Variants in BMPR1B observed in about 807,000 individuals in gnomAD.
The protein encoded by BMPR1B is bone morphogenetic protein receptor type 1B.
A neutral mutation model predicts 59.1 loss-of-function variants in BMPR1B; 12 were observed. That is an observed-to-expected ratio of 0.20 (90% CI 0.13 to 0.33). The LOEUF (loss-of-function observed/expected upper bound fraction) is 0.33. Among genes scored for constraint, BMPR1B ranks in the 10% least tolerant of loss-of-function variants. The pLI, the probability that BMPR1B is intolerant of heterozygous loss-of-function variation, is 1.00. For synonymous variants in BMPR1B, 237 were observed against 207.3 expected (o/e 1.14, Z -1.23); for missense variants, 550 against 610.9 (o/e 0.90, Z 1.05).
At chr4:94,768,360 AAAC>A (rs138425173) in intron 1 of BMPR1B, among the ~76,000 whole-genome samples, 8,342 of 152,020 alleles carry the variant, frequency 0.055, 420 homozygotes, top group African/African-American at 0.14. Flanking sequence ...TCTCCTTAAA[AAAC>A]AACAACAACA....
chr4:95,138,395 T>C (rs1330176203), intron 10 of BMPR1B, among the ~76,000 whole-genome samples: 1 of 152,190 alleles, frequency 6.6e-6, no homozygotes, highest in Non-Finnish European at 1.5e-5. Flanking sequence ...TTGGAGTTGC[T>C]CTTCTTGAGG....
At chr4:94,813,179 A>G (rs1178636573) in intron 1 of BMPR1B, among the ~76,000 whole-genome samples, 2 of 152,208 alleles carry the variant, frequency 1.3e-5, no homozygotes, top group East Asian at 3.8e-4. Context: ...TGATTAAGGG[A>G]AACAGACAAT....
intron 3 of BMPR1B, among the ~76,000 whole-genome samples, chr4:95,078,832 G>T (rs982811495): frequency 2.6e-5 from 4 of 151,980 alleles, no homozygotes; most frequent in African/African-American, 9.7e-5. Flanking sequence ...ATCACAGCTC[G>T]CTGCAGCCTC....
At chr4:94,871,296 G>A (rs1353839535) in intron 1 of BMPR1B, among the ~76,000 whole-genome samples, 1 of 152,174 alleles carries the variant, frequency 6.6e-6, no homozygotes, top group Non-Finnish European at 1.5e-5. Flanking sequence ...CCTTTGTAAA[G>A]TAAGATATTA....
intron 3 of BMPR1B, among the ~76,000 whole-genome samples, chr4:95,011,134 C>T (rs959870710): frequency 1.3e-5 from 2 of 151,546 alleles, no homozygotes; most frequent in African/African-American, 4.9e-5. Context: ...AGGCTGGTTA[C>T]GTAGGTAAAC....
intron 1 of BMPR1B, among the ~76,000 whole-genome samples, chr4:94,789,193 G>A (rs1172124680): frequency 6.6e-6 from 1 of 152,198 alleles, no homozygotes; most frequent in Non-Finnish European, 1.5e-5. Flanking sequence ...CAGTGTTCTT[G>A]CATAGAACAA....
intron 2 of BMPR1B, among the ~76,000 whole-genome samples, chr4:94,982,597 A>G (rs1721150374): frequency 6.6e-6 from 1 of 152,204 alleles, no homozygotes; most frequent in South Asian, 2.1e-4. Flanking sequence ...CCTCGTTGAT[A>G]TTAATGTGCA....
chr4:95,022,885 AC>A (rs1183139839), intron 3 of BMPR1B, among the ~76,000 whole-genome samples: 1 of 152,152 alleles, frequency 6.6e-6, no homozygotes, highest in Non-Finnish European at 1.5e-5. Flanking sequence ...AAAGAGACCA[AC>A]CCGTTCTGTT....
At chr4:95,147,137 C>T (rs1490645718) in intron 10 of BMPR1B, among the ~76,000 whole-genome samples, 4 of 151,922 alleles carry the variant, frequency 2.6e-5, no homozygotes, top group Non-Finnish European at 5.9e-5. Flanking sequence ...GTTATTATTG[C>T]ACCTAGAAAA....
At chr4:94,904,210 T>C (rs1727943481) in intron 2 of BMPR1B, among the ~76,000 whole-genome samples, 1 of 152,044 alleles carries the variant, frequency 6.6e-6, no homozygotes, top group South Asian at 2.1e-4. Context: ...ACATCAATGA[T>C]TTGCTGTAGA....
At position 94,877,346 on chromosome 4, in the gene BMPR1B, T is replaced by C. The variant is rs568120599; in HGVS notation, c.-113+1446T>C. On this transcript the variant is annotated intron_variant, in intron 2 of 12. Transcript: ENST00000515059. Reference sequence around the variant, plus strand: ...GGTTTTGCTCATTTTTGAGTCATGCTTCCAGTTGTTGATGGGATCAGAAAT... The same window carrying C: ...GGTTTTGCTCATTTTTGAGTCATGCCTCCAGTTGTTGATGGGATCAGAAAT... Among the ~76,000 whole-genome samples the C allele has an allele frequency of 9.8e-5, 15 of 152,350 alleles. No individual in the cohort carries two copies. The South Asian group carries it at 1.2e-3, about 13-fold the overall frequency.
chr4:95,097,647 C>T (rs973519503), intron 3 of BMPR1B, among the ~76,000 whole-genome samples: 5 of 152,108 alleles, frequency 3.3e-5, no homozygotes, highest in African/African-American at 9.7e-5. Context: ...AAGTGATTCT[C>T]CTGCCTCAGC....
chr4:95,136,041 A>G (rs528918067), intron 10 of BMPR1B, among the ~76,000 whole-genome samples: 42 of 152,150 alleles, frequency 2.8e-4, no homozygotes, highest in Non-Finnish European at 5.6e-4. Flanking sequence ...CGTCCCATCA[A>G]TAACTAGTTT....
At chr4:95,115,923 G>T in intron 6 of BMPR1B, 136 bp downstream of exon 6, 1 of 774,204 alleles carries the variant, frequency 1.3e-6, no homozygotes, top group Non-Finnish European at 2.2e-6. Flanking sequence ...CAGATGACAT[G>T]GAACCATCAT....
At position 95,001,432 on chromosome 4, in the gene BMPR1B, G is replaced by C. The variant is rs1722441412; in HGVS notation, c.-18+5298G>C. Among the ~76,000 whole-genome samples, 3 of 152,214 alleles carry C rather than the reference G, an allele frequency of 2.0e-5. No homozygotes were observed. The South Asian group carries it at 6.2e-4, about 32-fold the overall frequency. Reference sequence around the variant, plus strand: ...CAAGTAATTTTTGTTTCTAATGACAGATACCCTTTCTGGCTCTCCTGAATT... The same window carrying C: ...CAAGTAATTTTTGTTTCTAATGACACATACCCTTTCTGGCTCTCCTGAATT... On this transcript the variant is annotated intron_variant, in intron 3 of 12. Transcript: ENST00000515059.
At chr4:95,048,977 A>C (rs916914038) in intron 3 of BMPR1B, among the ~76,000 whole-genome samples, 2 of 152,196 alleles carry the variant, frequency 1.3e-5, no homozygotes, top group African/African-American at 4.8e-5. Flanking sequence ...GATTTTTTAA[A>C]ATATTGCTAA....
intron 1 of BMPR1B, among the ~76,000 whole-genome samples, chr4:94,825,072 A>G (rs536781794): frequency 7.9e-5 from 12 of 152,344 alleles, no homozygotes; most frequent in African/African-American, 2.9e-4. Flanking sequence ...GGTGATTGAT[A>G]CAGACTAGAA....
chr4:95,017,332 T>C (rs1723650731), intron 3 of BMPR1B, among the ~76,000 whole-genome samples: 1 of 152,228 alleles, frequency 6.6e-6, no homozygotes, highest in Admixed American at 6.5e-5. Flanking sequence ...TTGGGAAAGG[T>C]TATCTGACTT....
rs549716387 is a variant in BMPR1B at position 94,839,657 on chromosome 4, T to G, written c.-182-36174T>G. Among the ~76,000 whole-genome samples, 13 of 145,706 alleles carry G rather than the reference T, an allele frequency of 8.9e-5. No homozygotes were observed. The South Asian group carries it at 2.0e-3, about 23-fold the overall frequency. ...TTTATTTTGAGCCTATGTGTGTCTC[T>G]GCACGTGAGATGGGTTTCCTGAATG... is the stretch of plus-strand genomic sequence containing the variant. On this transcript the variant is annotated intron_variant, in intron 1 of 12. Coordinates refer to ENST00000515059, the MANE Select transcript of BMPR1B (RefSeq NM_001203.3).
Sources: gnomAD v4.1 joint callset for allele counts (sites outside exome capture counted in the v4.1 genomes callset) on GRCh38, gnomAD v4.1.1 for gene constraint, MANE v1.5 for transcripts, NCBI Gene and HGNC (gene_info 2026-07-23, HGNC 2026-07-21) for gene names.